Variants in PDE1A observed in about 807,000 individuals in gnomAD.
The protein encoded by PDE1A is phosphodiesterase 1A.
In PDE1A, 35 loss-of-function variants were observed where a neutral mutation model predicts 61.7. The ratio of observed to expected loss-of-function variants is 0.57; its 90% CI spans 0.43 to 0.75. The LOEUF is 0.75. Among genes scored for constraint, PDE1A ranks in the 30% least tolerant of loss-of-function variants. The pLI, the probability that PDE1A is intolerant of heterozygous loss-of-function variation, is 0.00. For missense variants in PDE1A, 597 were observed against 630.6 expected (o/e 0.95, Z 0.57); for synonymous variants, 232 against 213.2 (o/e 1.09, Z -0.77).
At chr2:182,598,011 T>C in the PDE1A span, among the ~76,000 whole-genome samples, 1 of 152,222 alleles carries the variant, frequency 6.6e-6, no homozygotes, top group Non-Finnish European at 1.5e-5. Flanking sequence ...ATGTGAAATT[T>C]AAGCGACTAA....
At chr2:182,556,420 T>C in the PDE1A span, among the ~76,000 whole-genome samples, 1,522 of 152,324 alleles carry the variant, frequency 1.0e-2, 21 homozygotes, top group African/African-American at 0.034. Context: ...TTCTATATAA[T>C]GTTAACTAAA....
the PDE1A span, among the ~76,000 whole-genome samples, chr2:182,652,130 G>A: frequency 7.9e-5 from 12 of 152,332 alleles, no homozygotes; most frequent in African/African-American, 2.6e-4. Context: ...GTTCAGCCAA[G>A]TTAGGTCATC....
chr2:182,522,752 G>C (rs1041186853), upstream of PDE1A: 6 of 764,232 alleles, frequency 7.9e-6, no homozygotes, highest in Admixed American at 5.7e-5. Flanking sequence ...CAGTTTACGA[G>C]CTCTATTATG....
At chr2:182,163,860 C>T (rs900423534), downstream of PDE1A, among the ~76,000 whole-genome samples, 7 of 152,146 alleles carry the variant, frequency 4.6e-5, no homozygotes, top group Non-Finnish European at 1.0e-4. Context: ...CCAAGAGCTC[C>T]AATGGTCCTT....
the PDE1A span, among the ~76,000 whole-genome samples, chr2:182,552,010 G>A: frequency 2.0e-5 from 3 of 152,162 alleles, no homozygotes; most frequent in Non-Finnish European, 4.4e-5. Context: ...TCTTGATCTA[G>A]AATGTGGCCA....
intron 13 of PDE1A, among the ~76,000 whole-genome samples, chr2:182,159,892 G>A (rs1223864139): frequency 6.6e-6 from 1 of 152,162 alleles, no homozygotes; most frequent in African/African-American, 2.4e-5. Flanking sequence ...GTTTGAGGCT[G>A]CAGTGAGCTA....
the PDE1A span, among the ~76,000 whole-genome samples, chr2:182,629,410 A>C: frequency 6.6e-6 from 1 of 152,086 alleles, no homozygotes; most frequent in Non-Finnish European, 1.5e-5. Context: ...CATTACTACC[A>C]CCACCACCAC....
At chr2:182,464,886 C>T (rs1479744710) in intron 2 of PDE1A, among the ~76,000 whole-genome samples, 1 of 152,034 alleles carries the variant, frequency 6.6e-6, no homozygotes, top group South Asian at 2.1e-4. Flanking sequence ...CTTTTTTCAT[C>T]GCTGTATGCC....
chr2:182,186,494 G>C, exon 12 of PDE1A: 1 of 1,612,466 alleles, frequency 6.2e-7, no homozygotes, highest in Non-Finnish European at 8.5e-7. Context: ...AAGAAGTTTC[G>C]GCTTTTGAGG....
chr2:182,189,012 G>A (rs753136799), exon 11 of PDE1A: 19 of 1,612,850 alleles, frequency 1.2e-5, no homozygotes, highest in Middle Eastern at 1.6e-4. Context: ...GTTGACTTCC[G>A]ATCACAAAGT....
At chr2:182,462,770 A>T (rs1686393171) in intron 2 of PDE1A, among the ~76,000 whole-genome samples, 2 of 152,182 alleles carry the variant, frequency 1.3e-5, no homozygotes, top group South Asian at 2.1e-4. Flanking sequence ...CTGATTTTTT[A>T]AAAATTCAGA....
At chr2:182,167,922 C>T in exon 14 of PDE1A, 2 of 1,106,994 alleles carry the variant, frequency 1.8e-6, no homozygotes. Context: ...GTAGAAATGA[C>T]AAAATTAGCA....
intron 1 of PDE1A, among the ~76,000 whole-genome samples, chr2:182,361,130 G>A (rs1255319515): frequency 6.6e-6 from 1 of 152,062 alleles, no homozygotes; most frequent in Non-Finnish European, 1.5e-5. Flanking sequence ...CTTACAATTA[G>A]TGAGTGATAG....
chr2:182,581,154 C>G, the PDE1A span, among the ~76,000 whole-genome samples: 1 of 152,064 alleles, frequency 6.6e-6, no homozygotes, highest in Non-Finnish European at 1.5e-5. Context: ...TTTAATTATA[C>G]CAAAGCAAAT....
intron 12 of PDE1A, 146 bp downstream of exon 12, chr2:182,186,322 A>G: frequency 1.0e-6 from 1 of 957,714 alleles, no homozygotes; most frequent in Non-Finnish European, 1.6e-6. Flanking sequence ...AGGCAGATGC[A>G]ATATAATATA....
intron 1 of PDE1A, among the ~76,000 whole-genome samples, chr2:182,424,203 C>T (rs1233768807): frequency 6.6e-6 from 1 of 152,108 alleles, no homozygotes; most frequent in African/African-American, 2.4e-5. Context: ...CCTTGGCCTC[C>T]CAAAGTGCTG....
At chr2:182,379,582 T>G (rs1171965786) in intron 1 of PDE1A, among the ~76,000 whole-genome samples, 1 of 152,234 alleles carries the variant, frequency 6.6e-6, no homozygotes, top group African/African-American at 2.4e-5. Flanking sequence ...GGCAAGGATT[T>G]TGAATGACTA....
At chr2:182,388,413 T>C (rs1701241597) in intron 1 of PDE1A, among the ~76,000 whole-genome samples, 1 of 152,210 alleles carries the variant, frequency 6.6e-6, no homozygotes, top group Non-Finnish European at 1.5e-5. Context: ...CAGGACTGAT[T>C]ATATGTCAGG....
At chr2:182,541,964 C>T in the PDE1A span, among the ~76,000 whole-genome samples, 1 of 152,056 alleles carries the variant, frequency 6.6e-6, no homozygotes, top group African/African-American at 2.4e-5. Flanking sequence ...ATTAAGATTC[C>T]TTTTCCAACT....
Sources: gnomAD v4.1 joint callset for allele counts (sites outside exome capture counted in the v4.1 genomes callset) on GRCh38, gnomAD v4.1.1 for gene constraint, MANE v1.5 for transcripts, NCBI Gene and HGNC (gene_info 2026-07-23, HGNC 2026-07-21) for gene names.